Variants in DPP10 observed in about 807,000 individuals in gnomAD.
The protein encoded by DPP10 is dipeptidyl peptidase like 10, also known as inactive dipeptidyl peptidase 10.
DPP10 carries 33 observed loss-of-function variants against 120.9 expected under a neutral mutation model. The ratio of observed to expected loss-of-function variants is 0.27; its 90% CI spans 0.21 to 0.37. The LOEUF (loss-of-function observed/expected upper bound fraction) is 0.37, where lower values mean the gene tolerates loss of function less well. DPP10 is among the 10% of genes least tolerant of loss of function. The probability of loss-of-function intolerance (pLI) is 1.00; values close to 1 mark genes in which losing one functional copy is unlikely to be tolerated. For missense variants in DPP10, 816 were observed against 942.8 expected (o/e 0.87, Z 1.76); for synonymous variants, 337 against 326.1 (o/e 1.03, Z -0.36).
At chr2:114,893,269 C>T (rs748780955) in intron 1 of DPP10, among the ~76,000 whole-genome samples, 14 of 152,108 alleles carry the variant, frequency 9.2e-5, no homozygotes, top group African/African-American at 2.4e-4. Context: ...AAATATATTG[C>T]GTATCTATTA....
chr2:114,488,250 T>A (rs890517957), intron 1 of DPP10, among the ~76,000 whole-genome samples: 1 of 152,156 alleles, frequency 6.6e-6, no homozygotes, highest in African/African-American at 2.4e-5. Context: ...GACAGGGGTG[T>A]GGGACTTCCT....
chr2:115,551,819 TACA>T (rs1163953628), intron 5 of DPP10, among the ~76,000 whole-genome samples: 2 of 152,106 alleles, frequency 1.3e-5, no homozygotes, highest in Non-Finnish European at 2.9e-5. Flanking sequence ...AGTTACAACC[TACA>T]ACAACTAGAA....
intron 4 of DPP10, among the ~76,000 whole-genome samples, chr2:115,508,083 G>C (rs533886567): frequency 3.9e-5 from 6 of 152,184 alleles, no homozygotes; most frequent in African/African-American, 1.4e-4. Flanking sequence ...CTATTTCATG[G>C]TTAGGTCTTA....
chr2:114,493,632 A>AG (rs869248928), intron 1 of DPP10, among the ~76,000 whole-genome samples: 1 of 15,970 alleles, frequency 6.3e-5, no homozygotes, highest in Non-Finnish European at 1.5e-4. Context: ...TTCGACTTGG[A>AG]AGACTGGAGG....
intron 1 of DPP10, among the ~76,000 whole-genome samples, chr2:114,493,505 A>T (rs1682185444): frequency 6.6e-6 from 1 of 152,096 alleles, no homozygotes; most frequent in Non-Finnish European, 1.5e-5. Flanking sequence ...ACCCAGAAAG[A>T]TAAGGGTACT....
chr2:115,519,204 T>A (rs2077662648), intron 4 of DPP10, among the ~76,000 whole-genome samples: 2 of 152,178 alleles, frequency 1.3e-5, no homozygotes, highest in Admixed American at 1.3e-4. Context: ...AATTGCTTTT[T>A]AAATGTTTTA....
intron 3 of DPP10, among the ~76,000 whole-genome samples, chr2:115,440,247 G>GA (rs929744754): frequency 6.6e-6 from 1 of 151,788 alleles, no homozygotes; most frequent in Admixed American, 6.6e-5. Context: ...CTTTGCTAAG[G>GA]AAAAAATACA....
At chr2:115,576,731 T>G (rs2081685014) in intron 5 of DPP10, among the ~76,000 whole-genome samples, 1 of 152,150 alleles carries the variant, frequency 6.6e-6, no homozygotes, top group African/African-American at 2.4e-5. Context: ...TCAATGCACA[T>G]GTGCCGAAAG....
chr2:115,589,514 AGAGAG>A (rs1216140951), intron 5 of DPP10, among the ~76,000 whole-genome samples: 3 of 152,176 alleles, frequency 2.0e-5, no homozygotes, highest in African/African-American at 7.2e-5. Flanking sequence ...CAATTGATGT[AGAGAG>A]GATTTTTTAC....
intron 3 of DPP10, among the ~76,000 whole-genome samples, chr2:115,492,032 G>C (rs1011007628): frequency 6.6e-6 from 1 of 152,084 alleles, no homozygotes; most frequent in African/African-American, 2.4e-5. Flanking sequence ...ATCTTCATCA[G>C]GAGTGCTAAA....
chr2:114,618,392 G>A (rs1307825543), intron 1 of DPP10, among the ~76,000 whole-genome samples: 3 of 151,976 alleles, frequency 2.0e-5, no homozygotes, highest in Non-Finnish European at 2.9e-5. Context: ...CAACACAGAG[G>A]TCAGAAAAGT....
At chr2:115,015,795 A>T (rs1349648441) in intron 1 of DPP10, among the ~76,000 whole-genome samples, 2 of 152,208 alleles carry the variant, frequency 1.3e-5, no homozygotes, top group African/African-American at 2.4e-5. Flanking sequence ...CTTATAAGGG[A>T]TGTGAAGGAC....
At chr2:114,987,972 T>A (rs1700519407) in intron 1 of DPP10, among the ~76,000 whole-genome samples, 1 of 151,234 alleles carries the variant, frequency 6.6e-6, no homozygotes, top group Admixed American at 6.6e-5. Context: ...CCCGGCTAAT[T>A]TTTTGTATTT....
At chr2:114,602,301 T>G (rs945527534) in intron 1 of DPP10, among the ~76,000 whole-genome samples, 4 of 150,736 alleles carry the variant, frequency 2.7e-5, no homozygotes, top group African/African-American at 7.4e-5. Context: ...TATTCCTGTA[T>G]GTAATACTTG....
chr2:115,686,756 A>G (rs748350793), intron 5 of DPP10, among the ~76,000 whole-genome samples: 11 of 152,062 alleles, frequency 7.2e-5, no homozygotes, highest in Non-Finnish European at 1.3e-4. Flanking sequence ...TTGATATGGT[A>G]TATTGGAATT....
intron 1 of DPP10, among the ~76,000 whole-genome samples, chr2:114,970,319 T>C (rs1275982602): frequency 1.3e-5 from 2 of 152,208 alleles, no homozygotes; most frequent in African/African-American, 4.8e-5. Flanking sequence ...TTATAGCACA[T>C]AGGTTTACTG....
At chr2:114,477,863 A>C (rs1487967447) in intron 1 of DPP10, among the ~76,000 whole-genome samples, 1 of 110,796 alleles carries the variant, frequency 9.0e-6, no homozygotes, top group African/African-American at 2.7e-5. Context: ...AAATATATGT[A>C]TATATGTACA....
intron 3 of DPP10, among the ~76,000 whole-genome samples, chr2:115,365,386 T>G (rs746203359): frequency 6.6e-5 from 10 of 152,000 alleles, no homozygotes; most frequent in Non-Finnish European, 1.5e-4. Context: ...GGTGGGCTTC[T>G]TAGAGCCATC....
chr2:115,636,403 G>T (rs570407981), intron 5 of DPP10, among the ~76,000 whole-genome samples: 2 of 152,244 alleles, frequency 1.3e-5, no homozygotes, highest in East Asian at 3.9e-4. Flanking sequence ...AACGTAGGTT[G>T]CATGTTGTAT....
Sources: allele counts gnomAD v4.1 joint callset (sites outside exome capture counted in the v4.1 genomes callset), GRCh38; gene constraint gnomAD v4.1.1; transcripts MANE v1.5; gene names NCBI Gene and HGNC (gene_info 2026-07-23, HGNC 2026-07-21).